CNTNAP4: variants seen among roughly 807,000 people sequenced by gnomAD.
The protein encoded by CNTNAP4 is contactin-associated protein-like 4.
Under a neutral mutation model 148.4 loss-of-function variants are expected in CNTNAP4, and 98 were observed. The observed-to-expected ratio is 0.66, with a 90% CI of 0.56 to 0.78. CNTNAP4 has a LOEUF of 0.78. CNTNAP4 is among the 30% of genes least tolerant of loss of function. The pLI is 0.00. For missense variants in CNTNAP4, 1,935 were observed against 1,565.6 expected (o/e 1.24, Z -3.98); for synonymous variants, 730 against 565.1 (o/e 1.29, Z -4.14).
chr16:76,390,567 T>C (rs1020724067), intron 3 of CNTNAP4, among the ~76,000 whole-genome samples: 4 of 120,916 alleles, frequency 3.3e-5, no homozygotes, highest in Admixed American at 1.6e-4. Flanking sequence ...GCCCCATAAA[T>C]AACAGGTAAA....
intron 3 of CNTNAP4, among the ~76,000 whole-genome samples, chr16:76,383,616 C>T (rs1175330424): frequency 6.6e-6 from 1 of 152,058 alleles, no homozygotes; most frequent in African/African-American, 2.4e-5. Context: ...CTTATATGCA[C>T]ATATACTTTT....
At chr16:76,363,254 C>A (rs546756326) in intron 3 of CNTNAP4, among the ~76,000 whole-genome samples, 1 of 151,694 alleles carries the variant, frequency 6.6e-6, no homozygotes, top group South Asian at 2.1e-4. Flanking sequence ...CTTCTGCCTC[C>A]TGGGTTCAAG....
At chr16:76,353,958 T>C (rs188944790) in intron 2 of CNTNAP4, among the ~76,000 whole-genome samples, 3 of 152,264 alleles carry the variant, frequency 2.0e-5, no homozygotes, top group Admixed American at 2.0e-4. Flanking sequence ...GTACTCAAGG[T>C]TTCATAAAAT....
At position 76,324,895 on chromosome 16, in the gene CNTNAP4, C is replaced by G. The variant is rs571545439; in HGVS notation, c.196+8372C>G. On this transcript the variant is annotated intron_variant, in intron 2 of 23. Coordinates refer to ENST00000611870, the MANE Select transcript of CNTNAP4 (RefSeq NM_033401.5). ...TAATTACCTCCCAAAGGCCCCCTCT[C>G]CAAATGCCATCACACTGGGGATTAG... 2.0e-5 allele frequency among the ~76,000 whole-genome samples: 3 copies of G among 152,304 alleles called. No individual in the cohort carries two copies. In the East Asian group the frequency reaches 5.8e-4, roughly 29 times the overall value.
intron 2 of CNTNAP4, among the ~76,000 whole-genome samples, chr16:76,327,219 T>C (rs1227645832): frequency 6.6e-5 from 10 of 152,190 alleles, no homozygotes; most frequent in Non-Finnish European, 1.2e-4. Flanking sequence ...TCTCCTGTCT[T>C]GTATTCCTCA....
intron 3 of CNTNAP4, among the ~76,000 whole-genome samples, chr16:76,355,989 T>C (rs1597301434): frequency 6.6e-6 from 1 of 151,812 alleles, no homozygotes; most frequent in Non-Finnish European, 1.5e-5. Context: ...ATTCTCCTAC[T>C]TCAGCCTCCC....
At chr16:76,451,598 G>GTGTGTGT (rs2080473394) in intron 7 of CNTNAP4, among the ~76,000 whole-genome samples, 1 of 43,786 alleles carries the variant, frequency 2.3e-5, no homozygotes, top group East Asian at 9.0e-4. Flanking sequence ...ATTTTAGATA[G>GTGTGTGT]ATGTGTGTGT....
chr16:76,467,503 C>T lies in CNTNAP4; in HGVS notation c.1635C>T (p.Asp545=), dbSNP rs2081217161. 1.2e-6 allele frequency: 2 copies of T among 1,611,930 alleles called. No homozygotes were observed. The highest frequency in any genetic ancestry group is 2.2e-5 in the East Asian group (1 of 44,804). ...GGAACTTCAGTGACCTTCAGATAGACTCATGTGGCATCTCAGACAGGTAAG... is the reference window on the plus strand; with the variant it reads ...GGAACTTCAGTGACCTTCAGATAGATTCATGTGGCATCTCAGACAGGTAAG... ...SLGNFSDLQI[D]SCGISDRCLP... The change falls in exon 10 of 24, where the codon GAC becomes GAT. Residue 545 remains aspartate, a synonymous_variant. Transcript: ENST00000611870.
chr16:76,461,934 C>T lies in CNTNAP4; in HGVS notation c.1334-22C>T, dbSNP rs570926500. On this transcript the variant is annotated intron_variant, in intron 8 of 23. Transcript: ENST00000611870. ...TAGTGTTCACTATTGAGAGCGATCTCTAACTGATTTCATCTCCCTAGGTGT... is the reference window on the plus strand; with the variant it reads ...TAGTGTTCACTATTGAGAGCGATCTTTAACTGATTTCATCTCCCTAGGTGT... 99 of 1,611,638 alleles carry T rather than the reference C, an allele frequency of 6.1e-5. No individual in the cohort carries two copies. The South Asian group carries it at 9.8e-4, about 16-fold the overall frequency.
chr16:76,419,479 C>T lies in CNTNAP4; in HGVS notation c.391-7973C>T, dbSNP rs551537652. Among the ~76,000 whole-genome samples the T allele has an allele frequency of 3.9e-5, 6 of 152,088 alleles. No individual in the cohort carries two copies. The East Asian group carries it at 1.2e-3, about 30-fold the overall frequency. Reference sequence around the variant, plus strand: ...AGGTAAAGCCCACAGAAATGTGGAGCCCTCTAAGACTGTGGTCAGGAACTT... The same window carrying T: ...AGGTAAAGCCCACAGAAATGTGGAGTCCTCTAAGACTGTGGTCAGGAACTT... On this transcript the variant is annotated intron_variant, in intron 3 of 23. Transcript: ENST00000611870.
chr16:76,302,791 C>T (rs1244944636), intron 1 of CNTNAP4, among the ~76,000 whole-genome samples: 1 of 151,354 alleles, frequency 6.6e-6, no homozygotes, highest in Non-Finnish European at 1.5e-5. Context: ...TCTTGAAGAC[C>T]ATCTTAGAAT....
At chr16:76,293,492 C>T (rs1226555339) in intron 1 of CNTNAP4, among the ~76,000 whole-genome samples, 2 of 151,938 alleles carry the variant, frequency 1.3e-5, no homozygotes, top group Admixed American at 6.6e-5. Flanking sequence ...TCCTATCTAC[C>T]TGTCTATTTA....
At chr16:76,279,100 A>G (rs1229001730) in intron 1 of CNTNAP4, among the ~76,000 whole-genome samples, 1 of 152,206 alleles carries the variant, frequency 6.6e-6, no homozygotes, top group African/African-American at 2.4e-5. Context: ...ATTGCATCAT[A>G]CAAGCAAACA....
rs1237064108 is a variant in CNTNAP4, at chr16:76,506,476, CTTTTTTTT to C, written c.2365+7799_2365+7806del. Among the ~76,000 whole-genome samples the C allele has an allele frequency of 3.7e-4, 16 of 43,208 alleles. 2 individuals are homozygous for C. The highest frequency in any genetic ancestry group is 5.1e-4 in the African/African-American group (14 of 27,278). 28.3% of individuals were successfully genotyped at this position (43,208 alleles called of 152,430 possible). On this transcript the variant is annotated intron_variant, in intron 15 of 23. Coordinates refer to ENST00000611870, the MANE Select transcript of CNTNAP4 (RefSeq NM_033401.5). ...CTCCCCTTCCGCTTCTCTTCCGTTC[CTTTTTTTT>C]TTTTTTTTTTTTTTTTGACAGAATT...
chr16:76,501,130 A>T (rs1316200019), intron 15 of CNTNAP4, among the ~76,000 whole-genome samples: 3 of 152,224 alleles, frequency 2.0e-5, no homozygotes, highest in Non-Finnish European at 4.4e-5. Flanking sequence ...CATCTCTGAT[A>T]TGTATCACCT....
intron 9 of CNTNAP4, among the ~76,000 whole-genome samples, chr16:76,462,328 G>A (rs1270324841): frequency 6.6e-6 from 1 of 152,154 alleles, no homozygotes; most frequent in African/African-American, 2.4e-5. Flanking sequence ...TGATGAGATT[G>A]ATTTTAAGTA....
intron 14 of CNTNAP4, among the ~76,000 whole-genome samples, chr16:76,496,051 C>T (rs529705381): frequency 4.7e-5 from 7 of 149,452 alleles, no homozygotes; most frequent in African/African-American, 9.8e-5. Context: ...TATCATACAA[C>T]AGATTATGTT....
chr16:76,525,067 T>G (rs530893787), intron 17 of CNTNAP4, among the ~76,000 whole-genome samples: 1 of 151,958 alleles, frequency 6.6e-6, no homozygotes, highest in African/African-American at 2.4e-5. Context: ...TCCACCAGAG[T>G]GAACTAGTCT....
Position 76,560,069 on chromosome 16 carries a change from A to G in CNTNAP4, c.*1386A>G, listed in dbSNP as rs994707281. ...AAAGAATGATCAATAACCTTATGGAACTGTTACAATAATTAATCTTGAGAC... is the reference window on the plus strand; with the variant it reads ...AAAGAATGATCAATAACCTTATGGAGCTGTTACAATAATTAATCTTGAGAC... On this transcript the variant is annotated 3_prime_UTR_variant, in exon 24 of 24. Transcript: ENST00000611870. 5.9e-5 allele frequency among the ~76,000 whole-genome samples: 9 copies of G among 152,182 alleles called. No homozygotes were observed. Among genetic ancestry groups the G allele is most frequent in the African/African-American group, 2.2e-4 (9 of 41,454 alleles).
Sources: allele counts gnomAD v4.1 joint callset (sites outside exome capture counted in the v4.1 genomes callset), GRCh38; gene constraint gnomAD v4.1.1; transcripts MANE v1.5; gene names NCBI Gene and HGNC (gene_info 2026-07-23, HGNC 2026-07-21).